ERMP1: variants seen among roughly 807,000 people sequenced by gnomAD.
ERMP1 encodes endoplasmic reticulum metallopeptidase 1.
ERMP1 carries 86 observed loss-of-function variants against 92.0 expected under a neutral mutation model. The observed-to-expected ratio is 0.93, with a 90% CI of 0.79 to 1.12. The LOEUF (loss-of-function observed/expected upper bound fraction) is 1.12. ERMP1 is among the 50% of genes most tolerant of loss of function. The pLI is 0.00. For missense variants in ERMP1, 1,342 were observed against 1,116.3 expected (o/e 1.20, Z -2.88); for synonymous variants, 530 against 412.8 (o/e 1.28, Z -3.44).
At chr9:5,798,733 AATG>A (rs1327730865) in intron 12 of ERMP1, 70 bp downstream of exon 12, 8 of 914,496 alleles carry the variant, frequency 8.7e-6, no homozygotes, top group East Asian at 2.6e-5. Flanking sequence ...TGGCAGTTTA[AATG>A]ATAAGAGTAC....
rs531778324 is a variant in ERMP1, at chr9:5,813,088, C to T, written c.875-53G>A. On this transcript the variant is annotated intron_variant, in intron 4 of 14. Transcript: ENST00000339450. Reference sequence around the variant, plus strand: ...AAGGTATTCCGGCAATTTTTTTTAACATACTAATGTTTTTCAACACATAGA... The same window carrying T: ...AAGGTATTCCGGCAATTTTTTTTAATATACTAATGTTTTTCAACACATAGA... The T allele has an allele frequency of 1.8e-5, 28 of 1,549,226 alleles. 1 individual carries two copies. The East Asian group carries it at 3.7e-4, about 20-fold the overall frequency.
At chr9:5,859,389 G>T (rs1270791814) in intron 6 of ERMP1, among the ~76,000 whole-genome samples, 1 of 152,162 alleles carries the variant, frequency 6.6e-6, no homozygotes, top group East Asian at 1.9e-4. Flanking sequence ...ATTAGGTAAA[G>T]TTATGATCCA....
intron 6 of ERMP1, among the ~76,000 whole-genome samples, chr9:5,844,015 G>C (rs539495334): frequency 2.0e-5 from 3 of 152,104 alleles, no homozygotes; most frequent in Non-Finnish European, 2.9e-5. Context: ...TAATTTGAGG[G>C]GTAATGTTCT....
chr9:5,812,803 G>T, intron 5 of ERMP1, 86 bp downstream of exon 5: 2 of 1,399,526 alleles, frequency 1.4e-6, no homozygotes, highest in Non-Finnish European at 2.0e-6. Context: ...CTCAGAAAAT[G>T]CTGTTTACTC....
intron 13 of ERMP1, among the ~76,000 whole-genome samples, chr9:5,790,618 G>C (rs547767492): frequency 2.0e-5 from 3 of 152,230 alleles, no homozygotes; most frequent in East Asian, 1.9e-4. Flanking sequence ...TTGTTTAAAA[G>C]TCCTATCTTA....
At chr9:5,798,785 G>A (rs767086779) in intron 12 of ERMP1, 21 bp downstream of exon 12, 9 of 1,549,084 alleles carry the variant, frequency 5.8e-6, no homozygotes, top group African/African-American at 1.4e-5. Flanking sequence ...CTAACCTTAA[G>A]CAGAAAAATA....
At position 5,866,589 on chromosome 9, in the gene ERMP1, C is replaced by G. The variant is rs971713441; in HGVS notation, n.3055+1213G>C. Among the ~76,000 whole-genome samples, 6 of 152,170 alleles carry G rather than the reference C, an allele frequency of 3.9e-5. No individual in the cohort carries two copies. The South Asian group carries it at 6.2e-4, about 16-fold the overall frequency. On this transcript the variant is annotated intron_variant and non_coding_transcript_variant, in intron 5 of 6. Transcript: ENST00000690753. Reference sequence around the variant, plus strand: ...CCAAAAGACTGATTTAGGTCAAGAACAGATGAACTTGTAATTTCATAGAAC... The same window carrying G: ...CCAAAAGACTGATTTAGGTCAAGAAGAGATGAACTTGTAATTTCATAGAAC...
chr9:5,789,653 T>C (rs1271394319), intron 13 of ERMP1, among the ~76,000 whole-genome samples: 2 of 152,004 alleles, frequency 1.3e-5, no homozygotes, highest in African/African-American at 4.8e-5. Context: ...TGCAGTGGCA[T>C]GAACAGCCCA....
At chr9:5,804,493 T>C (rs1348383655) in intron 10 of ERMP1, among the ~76,000 whole-genome samples, 1 of 152,180 alleles carries the variant, frequency 6.6e-6, no homozygotes, top group African/African-American at 2.4e-5. Context: ...ATTTCATTAT[T>C]TGGTAAATGA....
chr9:5,825,071 T>C (rs1829683821), intron 3 of ERMP1, 21 bp downstream of exon 3: 2 of 1,611,628 alleles, frequency 1.2e-6, no homozygotes, highest in Admixed American at 1.7e-5. Context: ...AAGCCTGATA[T>C]TTAAAACAGT....
chr9:5,828,289 C>T lies in ERMP1; in HGVS notation c.640+2438G>A, dbSNP rs529077573. Among the ~76,000 whole-genome samples, 21 of 152,260 alleles carry T rather than the reference C, an allele frequency of 1.4e-4. 1 individual carries two copies. In the South Asian group the frequency reaches 4.3e-3, roughly 32 times the overall value. ...CTCCAAAATATGTCACTTTGACATACGGATTATTTTGAGCTGAAGGCAACT... is the reference window on the plus strand; with the variant it reads ...CTCCAAAATATGTCACTTTGACATATGGATTATTTTGAGCTGAAGGCAACT... On this transcript the variant is annotated intron_variant, in intron 2 of 14. Coordinates refer to ENST00000339450, the MANE Select transcript of ERMP1 (RefSeq NM_024896.3).
intron 8 of ERMP1, 27 bp downstream of exon 8, chr9:5,809,983 GA>G (rs772985647): frequency 2.7e-5 from 40 of 1,483,318 alleles, no homozygotes; most frequent in Non-Finnish European, 3.7e-5. Flanking sequence ...GCAACAGAAA[GA>G]AATCAACAAA....
intron 6 of ERMP1, among the ~76,000 whole-genome samples, chr9:5,846,035 G>A (rs1280641759): frequency 1.3e-5 from 2 of 152,276 alleles, no homozygotes; most frequent in East Asian, 3.9e-4. Context: ...TGCTACCTGG[G>A]GATCTGGGTC....
At chr9:5,855,185 TA>T (rs1424463461) in intron 6 of ERMP1, among the ~76,000 whole-genome samples, 1 of 152,056 alleles carries the variant, frequency 6.6e-6, no homozygotes, top group Non-Finnish European at 1.5e-5. Context: ...ATATATAGTC[TA>T]AAAAAATAGA....
chr9:5,805,031 T>C lies in ERMP1; in HGVS notation c.1910A>G (p.Tyr637Cys), dbSNP rs769999046. The C allele has an allele frequency of 2.5e-6, 4 of 1,597,060 alleles. No individual in the cohort carries two copies. Among genetic ancestry groups the C allele is most frequent in the African/African-American group, 1.4e-5 (1 of 73,326 alleles). The change falls in exon 10 of 15, where the codon TAT becomes TGT. Residue 637 changes from tyrosine (Y) to cysteine (C), a missense_variant. Physicochemically the swap from Tyr to Cys is radical, Grantham distance 194. Transcript: ENST00000339450. Reference protein sequence around the residue: ...LAGCTMILSSYFINFIYLAKS... With the variant: ...LAGCTMILSSCFINFIYLAKS... ...AAAAAACTTATTTTCTCTTACAAAA[T>C]AGGACGAGAGAATCATTGTACAGCC...
intron 6 of ERMP1, among the ~76,000 whole-genome samples, chr9:5,846,003 C>T (rs1830230018): frequency 3.9e-5 from 6 of 152,190 alleles, no homozygotes; most frequent in Admixed American, 3.9e-4. Flanking sequence ...GTCAGTGCTT[C>T]TTGAACTTGT....
In ERMP1 at chr9:5,787,275, C is replaced by G. The variant is rs551188786; in HGVS notation, c.2584G>C (p.Val862Leu). 4.3e-6 allele frequency: 7 copies of G among 1,613,684 alleles called. No individual in the cohort carries two copies. Among genetic ancestry groups the G allele is most frequent in the Admixed American group, 3.3e-5 (2 of 59,926 alleles). The change falls in exon 15 of 15, where the codon GTG becomes CTG. Residue 862 changes from valine (V) to leucine (L), a missense_variant. Transcript: ENST00000339450. ...SEEHPEGMVT[V>L]AIAAHYLSGE... ...GACAGATAGTGGGCAGCAATGGCCA[C>G]GGTGACCATTCCTTCAGGATGTTCT... is the stretch of plus-strand genomic sequence containing the variant.
intron 6 of ERMP1, among the ~76,000 whole-genome samples, chr9:5,856,832 C>G (rs534015999): frequency 2.0e-5 from 3 of 152,024 alleles, no homozygotes; most frequent in Non-Finnish European, 4.4e-5. Flanking sequence ...AACTCACGCC[C>G]AACAGCACTG....
At chr9:5,846,864 T>C (rs1464226353) in intron 6 of ERMP1, among the ~76,000 whole-genome samples, 1 of 152,174 alleles carries the variant, frequency 6.6e-6, no homozygotes, top group East Asian at 1.9e-4. Context: ...CCAAGCAGAA[T>C]AGTTGATTTT....
Sources: gnomAD v4.1 joint callset for allele counts (sites outside exome capture counted in the v4.1 genomes callset) on GRCh38, gnomAD v4.1.1 for gene constraint, MANE v1.5 for transcripts, NCBI Gene and HGNC (gene_info 2026-07-23, HGNC 2026-07-21) for gene names.